MYO15A: variants seen among roughly 807,000 people sequenced by gnomAD.
MYO15A encodes unconventional myosin-XV.
Under a neutral mutation model 394.6 loss-of-function variants are expected in MYO15A, and 308 were observed. The observed-to-expected ratio is 0.78, with a 90% CI of 0.71 to 0.86. The LOEUF (loss-of-function observed/expected upper bound fraction) is 0.86, where lower values mean the gene tolerates loss of function less well. Among genes scored for constraint, MYO15A ranks in the 40% least tolerant of loss-of-function variants. The pLI, the probability that MYO15A is intolerant of heterozygous loss-of-function variation, is 0.00. For synonymous variants in MYO15A, 1,957 were observed against 2,003.8 expected, an observed-to-expected ratio of 0.98 and a Z score of 0.62; for missense variants, 4,606 against 4,799.1, an observed-to-expected ratio of 0.96 and a Z score of 1.19.
At chr17:18,137,310 G>C (rs1027944458) in intron 15 of MYO15A, among the ~76,000 whole-genome samples, 5 of 152,216 alleles carry the variant, frequency 3.3e-5, no homozygotes, top group Admixed American at 1.3e-4. Flanking sequence ...CTGAGGCATG[G>C]GGCTGTTATT....
At position 18,153,883 on chromosome 17, in the gene MYO15A, T is replaced by TC; in HGVS notation, c.8077dup (p.Leu2693ProfsTer19). On this transcript the variant is annotated frameshift_variant, in exon 43 of 66. Coordinates refer to ENST00000647165, the MANE Select transcript of MYO15A (RefSeq NM_016239.4). LOFTEE classifies it high-confidence loss of function. This position sits in a 1 kb window ranked among gnomAD's most constrained non-coding sequence, Gnocchi z 4.1. Reference sequence around the variant, plus strand: ...TATCAGGACGCCCCCTGGAAGATCTTCCTGCGCAAAGAGGTGCCGAGCACA... The same window carrying TC: ...TATCAGGACGCCCCCTGGAAGATCTTCCCTGCGCAAAGAGGTGCCGAGCACA... The TC allele has an allele frequency of 6.2e-7, 1 of 1,613,552 alleles. No individual in the cohort carries two copies. The highest frequency in any genetic ancestry group is 8.5e-7 in the Non-Finnish European group (1 of 1,179,996).
At position 18,127,068 on chromosome 17, in the gene MYO15A, C is replaced by T. The variant is rs113394958; in HGVS notation, c.3942-7C>T. 2.9e-5 allele frequency: 46 copies of T among 1,614,002 alleles called. No individual in the cohort carries two copies. The highest frequency in any genetic ancestry group is 2.8e-4 in the African/African-American group (21 of 75,030). ...TTGGAGCTCACTCTGCCCCTTTGCTCGGTCAGTGGAGAGAGCGGCTCTGGC... is the reference window on the plus strand; with the variant it reads ...TTGGAGCTCACTCTGCCCCTTTGCTTGGTCAGTGGAGAGAGCGGCTCTGGC... On this transcript the variant is annotated splice_polypyrimidine_tract_variant and splice_region_variant and intron_variant, in intron 6 of 65. Transcript: ENST00000647165.
In MYO15A at chr17:18,173,765, C is replaced by T; in HGVS notation, c.10351-16C>T. The T allele has an allele frequency of 6.2e-7, 1 of 1,613,814 alleles. No individual in the cohort carries two copies. The highest frequency in any genetic ancestry group is 8.5e-7 in the Non-Finnish European group (1 of 1,180,034). ...TCGCCCACAGGCCTGTCCGGCCCCT[C>T]TCCTCCTACTCCCAGGAATTGATGG... On this transcript the variant is annotated splice_polypyrimidine_tract_variant and intron_variant, in intron 64 of 65. Transcript: ENST00000647165.
intron 30 of MYO15A, 99 bp downstream of exon 30, chr17:18,146,206 T>G: frequency 7.9e-6 from 10 of 1,267,094 alleles, no homozygotes; most frequent in Non-Finnish European, 1.1e-5. Context: ...GTCAGATCTC[T>G]ATGCTGGGAA....
Position 18,159,663 on chromosome 17 carries a change from T to A in MYO15A, c.9287T>A (p.Leu3096His). The change falls in exon 55 of 66, where the codon CTT becomes CAT. Residue 3096 changes from leucine (L) to histidine (H), a missense_variant. This residue lies in a region of MYO15A where 2,776 missense variants were observed against 3,109.3 expected (regional missense o/e 0.89). Coordinates refer to ENST00000647165, the MANE Select transcript of MYO15A (RefSeq NM_016239.4). ...AAGGGCCAGAGTGACCTGGACGTGC[T>A]TTGTAACCTCCTGAAGGTCAGTCCA... The part of the protein sequence containing the change: ...PLKGQSDLDV[L>H]CNLLKLCGDH... 6.2e-7 allele frequency: 1 copy of A among 1,614,140 alleles called. No homozygotes were observed. Among genetic ancestry groups the A allele is most frequent in the Non-Finnish European group, 8.5e-7 (1 of 1,180,022 alleles).
intron 1 of MYO15A, among the ~76,000 whole-genome samples, chr17:18,112,427 G>A (rs933821490): frequency 6.6e-5 from 10 of 151,870 alleles, no homozygotes; most frequent in African/African-American, 1.2e-4. Flanking sequence ...ACAGGGTCTC[G>A]CACCGTCACA....
Position 18,159,259 on chromosome 17 carries a change from C to T in MYO15A, c.9157-16C>T. 2 of 1,614,008 alleles carry T rather than the reference C, an allele frequency of 1.2e-6. No individual in the cohort carries two copies. Among genetic ancestry groups the T allele is most frequent in the South Asian group, 2.2e-5 (2 of 91,084 alleles). ...GTGTCCCTCCTCCATCATGACACAGCCCTCTTCCCCCACAGACTCCCCTCC... is the reference window on the plus strand; with the variant it reads ...GTGTCCCTCCTCCATCATGACACAGTCCTCTTCCCCCACAGACTCCCCTCC... On this transcript the variant is annotated splice_polypyrimidine_tract_variant and intron_variant, in intron 53 of 65. Coordinates refer to ENST00000647165, the MANE Select transcript of MYO15A (RefSeq NM_016239.4).
intron 56 of MYO15A, among the ~76,000 whole-genome samples, chr17:18,160,405 C>T (rs2142396616): frequency 6.6e-6 from 1 of 152,312 alleles, no homozygotes; most frequent in South Asian, 2.1e-4. Flanking sequence ...CATCTTCTGG[C>T]TCTGCTTTCC....
chr17:18,159,528 G>A, intron 54 of MYO15A, 78 bp from the exon 55 acceptor site: 1 of 1,552,098 alleles, frequency 6.4e-7, no homozygotes, highest in Non-Finnish European at 8.9e-7. Context: ...CCAGGGAGGG[G>A]CTCAGCCCTG....
At chr17:18,152,211 GA>G (rs2046597798) in intron 42 of MYO15A, 27 bp downstream of exon 42, 1 of 1,535,800 alleles carries the variant, frequency 6.5e-7, no homozygotes. Flanking sequence ...GGAGGGAGGG[GA>G]GGGTGTCCAA....
In MYO15A at chr17:18,117,411, G is replaced by A. The variant is rs762316877; in HGVS notation, c.-219-1171G>A. Among the ~76,000 whole-genome samples the A allele has an allele frequency of 1.3e-5, 2 of 152,254 alleles. No homozygotes were observed. Among genetic ancestry groups the A allele is most frequent in the African/African-American group, 2.4e-5 (1 of 41,474 alleles). ...GAGGCTCTGAAGCCACTGATCTGAGGGCGTGGAGCTGGCAAGTGGCAGAAC... is the reference window on the plus strand; with the variant it reads ...GAGGCTCTGAAGCCACTGATCTGAGAGCGTGGAGCTGGCAAGTGGCAGAAC... On this transcript the variant is annotated intron_variant, in intron 1 of 65. Transcript: ENST00000647165. This position sits in a 1 kb window ranked among gnomAD's most constrained non-coding sequence, Gnocchi z 4.1.
intron 7 of MYO15A, among the ~76,000 whole-genome samples, chr17:18,127,497 G>GGCCCTGGGGCC (rs1473243940): frequency 6.6e-6 from 1 of 152,220 alleles, no homozygotes; most frequent in Non-Finnish European, 1.5e-5. Flanking sequence ...TCCTGGTCAT[G>GGCCCTGGGGCC]GCCCTGGGGC....
intron 5 of MYO15A, 62 bp downstream of exon 5, chr17:18,126,518 G>A: frequency 6.7e-7 from 1 of 1,488,832 alleles, no homozygotes; most frequent in South Asian, 1.2e-5. Context: ...TGCTCTGGGA[G>A]CCTGGATCCC....
intron 13 of MYO15A, 85 bp from the exon 14 acceptor site, chr17:18,136,332 T>C (rs1342354249): frequency 6.5e-7 from 1 of 1,532,534 alleles, no homozygotes; most frequent in East Asian, 2.3e-5. Context: ...CCCTTCTCCA[T>C]GATCCCACTC....
Position 18,121,648 on chromosome 17 carries a change from C to T in MYO15A, c.2848C>T (p.Arg950Cys). 3 of 1,605,624 alleles carry T rather than the reference C, an allele frequency of 1.9e-6. No individual in the cohort carries two copies. The highest frequency in any genetic ancestry group is 1.7e-4 in the Middle Eastern group (1 of 5,916). The stretch of plus-strand genomic sequence containing the variant: ...CCCCTGGCCAGGAGGTGCAGGCAGC[C>T]GCCGAGGCTTTTCCAGGCCACCCCC... ...PSPWPGGAGS[R>C]RGFSRPPPVP... The change falls in exon 2 of 66, where the codon CGC (arginine) becomes TGC (cysteine). Residue 950 changes from arginine (R) to cysteine (C), a missense_variant. Arg to Cys is a radical substitution (Grantham distance 180). Transcript: ENST00000647165. The surrounding 1 kb of genome is among the most constrained non-coding windows in gnomAD (Gnocchi z 5.3).
At chr17:18,144,706 C>CTCT in intron 29 of MYO15A, 114 bp downstream of exon 29, 1 of 954,670 alleles carries the variant, frequency 1.0e-6, no homozygotes, top group Non-Finnish European at 1.6e-6. Flanking sequence ...AGCCCCACAC[C>CTCT]TCTTCCCCAA....
chr17:18,131,205 C>T (rs768782492), intron 8 of MYO15A, 34 bp from the exon 9 acceptor site: 4 of 1,589,292 alleles, frequency 2.5e-6, no homozygotes, highest in South Asian at 2.2e-5. Context: ...CAGTGCCTAG[C>T]CCCTCAATTC....
At position 18,139,299 on chromosome 17, in the gene MYO15A, G is replaced by T. The variant is rs944149762; in HGVS notation, c.5134-235G>T. The T allele has an allele frequency of 9.6e-6, 6 of 624,520 alleles. No homozygotes were observed. The African/African-American group carries it at 1.1e-4, about 11-fold the overall frequency. The allele number at this position is 624,520 out of a possible 1,614,324, so 38.7% of individuals were successfully genotyped here. A position where few individuals can be genotyped will look rare whatever the true frequency, so the allele number is the denominator to read the frequency against. The stretch of plus-strand genomic sequence containing the variant: ...GATTCCATGCCTCTGTCCCCATCCG[G>T]GCCTTACTTTTCTCATCTGTAGAAT... On this transcript the variant is annotated intron_variant, in intron 18 of 65. Coordinates refer to ENST00000647165, the MANE Select transcript of MYO15A (RefSeq NM_016239.4).
Position 18,147,513 on chromosome 17 carries a change from G to T in MYO15A, c.6510-516G>T, listed in dbSNP as rs1222454191. On this transcript the variant is annotated intron_variant, in intron 30 of 65. Transcript: ENST00000647165. The surrounding 1 kb of genome is among the most constrained non-coding windows in gnomAD (Gnocchi z 4.4). Reference sequence around the variant, plus strand: ...ATGGCTGGTAGGGATTGGGCTCATTGGGCCTGGGTTGAGTTGAACCCTCAG... The same window carrying T: ...ATGGCTGGTAGGGATTGGGCTCATTTGGCCTGGGTTGAGTTGAACCCTCAG... Among the ~76,000 whole-genome samples, 1 of 152,176 alleles carries T rather than the reference G, an allele frequency of 6.6e-6. No individual in the cohort carries two copies. Among genetic ancestry groups the T allele is most frequent in the Non-Finnish European group, 1.5e-5 (1 of 68,042 alleles).
Sources: allele counts gnomAD v4.1 joint callset (sites outside exome capture counted in the v4.1 genomes callset), GRCh38; gene constraint gnomAD v4.1.1; regional missense constraint gnomAD v4.1.1; non-coding constraint Gnocchi (gnomAD v3.1); transcripts MANE v1.5; gene names NCBI Gene and HGNC (gene_info 2026-07-23, HGNC 2026-07-21).